APC: variants seen among roughly 807,000 people sequenced by gnomAD.
APC encodes adenomatous polyposis coli protein.
APC carries 72 observed loss-of-function variants against 247.0 expected under a neutral mutation model. The ratio of observed to expected loss-of-function variants is 0.29; its 90% CI spans 0.24 to 0.35. The LOEUF (loss-of-function observed/expected upper bound fraction) is 0.35. Among genes scored for constraint, APC ranks in the 10% least tolerant of loss-of-function variants. APC has a pLI of 1.00. For synonymous variants in APC, 1,254 were observed against 1,162.5 expected, an observed-to-expected ratio of 1.08 and a Z score of -1.60; for missense variants, 3,400 against 3,360.7, an observed-to-expected ratio of 1.01 and a Z score of -0.29.
intron 6 of APC, among the ~76,000 whole-genome samples, chr5:112,783,554 A>G (rs1170449505): frequency 6.6e-6 from 1 of 150,696 alleles, no homozygotes; most frequent in African/African-American, 2.4e-5. Context: ...GCACTTTGAG[A>G]GGCTGAGGCA....
chr5:112,725,384 G>T (rs1456837208), intron 1 of APC, among the ~76,000 whole-genome samples: 1 of 152,146 alleles, frequency 6.6e-6, no homozygotes, highest in Non-Finnish European at 1.5e-5. Flanking sequence ...CCCAGAGGAA[G>T]TCACTGTTGT....
rs1580455456 is a variant in APC, at chr5:112,801,367, C to T, written c.818C>T (p.Thr273Ile). ...GQGVGEINMA[T>I]SGNGQGSTTR... is the part of the protein sequence containing the mutation. ...GGAGTGGGAGAAATCAACATGGCAA[C>T]TTCTGGTAATGGTCAGGTAAATAAA... is the stretch of plus-strand genomic sequence containing the variant. The change falls in exon 8 of 16, where the codon ACT becomes ATT. Residue 273 changes from threonine (T) to isoleucine (I), a missense_variant. Physicochemically the swap from Thr to Ile is moderately conservative, Grantham distance 89 (BLOSUM62 -1). Coordinates refer to ENST00000257430, the MANE Select transcript of APC (RefSeq NM_000038.6). 2 of 1,609,882 alleles carry T rather than the reference C, an allele frequency of 1.2e-6. No individual in the cohort carries two copies. The highest frequency in any genetic ancestry group is 1.7e-6 in the Non-Finnish European group (2 of 1,176,920).
Position 112,819,212 on chromosome 5 carries a change from C to A in APC, c.1180C>A (p.Gln394Lys), listed in dbSNP as rs770507436. Residue 394 changes from glutamine (Q) to lysine (K), a missense_variant, in exon 10 of 16, where the codon CAG (glutamine) becomes AAG (lysine). Gln to Lys is a moderately conservative substitution (Grantham distance 53). Transcript: ENST00000257430. ...SAALHNIIHS[Q>K]PDDKRGRREI... is the part of the protein sequence containing the mutation. ...AGCACTCCACAACATCATTCACTCA[C>A]AGCCTGATGACAAGAGAGGCAGGCG... 1 of 1,614,002 alleles carries A rather than the reference C, an allele frequency of 6.2e-7. No individual in the cohort carries two copies. Among genetic ancestry groups the A allele is most frequent in the Non-Finnish European group, 8.5e-7 (1 of 1,179,970 alleles).
At position 112,843,315 on chromosome 5, in the gene APC, T is replaced by C. The variant is rs1282183992; in HGVS notation, c.7721T>C (p.Leu2574Pro). ...WRRTGSSSSI[L>P]SASSESSEKA... Reference sequence around the variant, plus strand: ...AGAACTGGAAGTTCATCTTCAATTCTTTCTGCTTCATCAGAATCCAGTGAA... The same window carrying C: ...AGAACTGGAAGTTCATCTTCAATTCCTTCTGCTTCATCAGAATCCAGTGAA... Residue 2574 changes from leucine to proline, a missense_variant, in exon 16 of 16, where the codon CTT (leucine) becomes CCT (proline). Leu to Pro is a moderately conservative substitution (Grantham distance 98, BLOSUM62 -3). Transcript: ENST00000257430. The surrounding 1 kb of genome is among the most constrained non-coding windows in gnomAD (Gnocchi z 4.8). 4 of 1,613,784 alleles carry C rather than the reference T, an allele frequency of 2.5e-6. No homozygotes were observed. The highest frequency in any genetic ancestry group is 1.3e-5 in the African/African-American group (1 of 75,036).
At position 112,840,460 on chromosome 5, in the gene APC, C is replaced by T. The variant is rs1765789672; in HGVS notation, c.4866C>T (p.Asn1622=). 1.9e-6 allele frequency: 3 copies of T among 1,614,196 alleles called. No homozygotes were observed. Among genetic ancestry groups the T allele is most frequent in the Non-Finnish European group, 2.5e-6 (3 of 1,180,024 alleles). The change falls in exon 16 of 16, where the codon AAC becomes AAT. Residue 1622 remains asparagine (N), a synonymous_variant. Coordinates refer to ENST00000257430, the MANE Select transcript of APC (RefSeq NM_000038.6). The surrounding 1 kb of genome is among the most constrained non-coding windows in gnomAD (Gnocchi z 4.1). ...TGTACAAACTTCTACCATCACAAAA[C>T]AGGTTGCAACCCCAAAAGCATGTTA... ...LPVYKLLPSQ[N]RLQPQKHVSF...
chr5:112,755,722 T>C (rs555083869), intron 2 of APC, among the ~76,000 whole-genome samples: 1 of 152,320 alleles, frequency 6.6e-6, no homozygotes, highest in African/African-American at 2.4e-5. Flanking sequence ...TTCAAAATAA[T>C]TGAGGTTAAA....
At chr5:112,754,212 C>T (rs577369721) in intron 1 of APC, among the ~76,000 whole-genome samples, 17 of 152,112 alleles carry the variant, frequency 1.1e-4, no homozygotes, top group Non-Finnish European at 2.5e-4. Flanking sequence ...TTATAGTCAA[C>T]CTTTTGAATA....
intron 1 of APC, among the ~76,000 whole-genome samples, chr5:112,749,649 G>A (rs903589113): frequency 2.6e-5 from 4 of 151,718 alleles, no homozygotes; most frequent in Admixed American, 6.6e-5. Context: ...CACCATGCCC[G>A]GCTAATTTTT....
At chr5:112,790,435 C>A (rs1376281190) in intron 6 of APC, among the ~76,000 whole-genome samples, 1 of 152,008 alleles carries the variant, frequency 6.6e-6, no homozygotes, top group Non-Finnish European at 1.5e-5. Context: ...GAGCGATTCT[C>A]CTGCCTTAGC....
In APC at chr5:112,841,495, C is replaced by T. The variant is rs1561603572; in HGVS notation, c.5901C>T (p.Ser1967=). ...CTCCGGTTTGCTTTTCTCATAATTC[C>T]TCTCTGAGTTCTCTCAGTGACATTG... ...ENTPVCFSHN[S]SLSSLSDIDQ... is the part of the protein sequence containing the mutation. The change falls in exon 16 of 16, where the codon TCC becomes TCT. Residue 1967 remains serine, a synonymous_variant. Transcript: ENST00000257430. This position sits in a 1 kb window ranked among gnomAD's most constrained non-coding sequence, Gnocchi z 4.6. 2 of 1,613,206 alleles carry T rather than the reference C, an allele frequency of 1.2e-6. No individual in the cohort carries two copies. Among genetic ancestry groups the T allele is most frequent in the African/African-American group, 2.7e-5 (2 of 74,898 alleles).
At chr5:112,774,558 T>G (rs1415767589) in intron 4 of APC, among the ~76,000 whole-genome samples, 1 of 147,186 alleles carries the variant, frequency 6.8e-6, no homozygotes, top group East Asian at 2.1e-4. Flanking sequence ...CCTCCTGGGC[T>G]CAAGTGATTC....
Position 112,708,166 on chromosome 5 carries a change from TTAGG to T in APC, c.165+286_165+289del, listed in dbSNP as rs1255418957. On this transcript the variant is annotated intron_variant, in intron 1 of 13. Transcript: ENST00000507379. Reference sequence around the variant, plus strand: ...CCCTGCAAGTGGTGCCCCATTCGCGTTAGGTGGGTGGGTCGTCCGCCCTTCCCAT... The same window carrying T: ...CCCTGCAAGTGGTGCCCCATTCGCGTTGGGTGGGTCGTCCGCCCTTCCCAT... 3.9e-5 allele frequency among the ~76,000 whole-genome samples: 6 copies of T among 152,298 alleles called. No individual in the cohort carries two copies. In the East Asian group the frequency reaches 1.2e-3, roughly 29 times the overall value.
Position 112,707,589 on chromosome 5 carries a change from G to A in APC, c.-129G>A, listed in dbSNP as rs1750583768. On this transcript the variant is annotated 5_prime_UTR_variant, in exon 1 of 14. Coordinates refer to the APC transcript ENST00000507379. ...GCCGGAAGCCTAGCCGCTGCTCGGG[G>A]GGGACCTGCGGGCTCAGGCCCGGGA... 2.0e-6 allele frequency: 2 copies of A among 981,528 alleles called. No homozygotes were observed. The highest frequency in any genetic ancestry group is 3.9e-5 in the East Asian group (1 of 25,558). 60.8% of individuals were successfully genotyped at this position (981,528 alleles called of 1,614,324 possible).
intron 15 of APC, among the ~76,000 whole-genome samples, chr5:112,837,103 C>T (rs77954601): frequency 0.013 from 2,032 of 152,316 alleles, 47 homozygotes; most frequent in African/African-American, 0.046. Context: ...ATAATGTGCA[C>T]TGACTGCAGA....
intron 4 of APC, among the ~76,000 whole-genome samples, chr5:112,774,601 C>T (rs887471326): frequency 2.3e-4 from 35 of 151,438 alleles, no homozygotes; most frequent in African/African-American, 8.0e-4. Context: ...GCTGGGACTA[C>T]AGGTATGCAC....
At chr5:112,823,068 C>A (rs868230688) in intron 11 of APC, among the ~76,000 whole-genome samples, 6 of 152,138 alleles carry the variant, frequency 3.9e-5, no homozygotes, top group Non-Finnish European at 5.9e-5. Flanking sequence ...ATGAATTCTC[C>A]CCTCGTTAAT....
chr5:112,715,360 A>G (rs984769433), intron 1 of APC, among the ~76,000 whole-genome samples: 12 of 152,306 alleles, frequency 7.9e-5, no homozygotes, highest in African/African-American at 2.6e-4. Context: ...AACATCAGGT[A>G]GTATATAGAT....
At chr5:112,734,101 G>T (rs1752239008), upstream of APC, among the ~76,000 whole-genome samples, 1 of 152,176 alleles carries the variant, frequency 6.6e-6, no homozygotes, top group Non-Finnish European at 1.5e-5. Context: ...GCCAAGGCAG[G>T]AGGATCACCT....
At chr5:112,834,048 C>T (rs1206108166) in intron 14 of APC, among the ~76,000 whole-genome samples, 4 of 151,784 alleles carry the variant, frequency 2.6e-5, no homozygotes, top group East Asian at 1.9e-4. Flanking sequence ...ACCTCCCAGG[C>T]GCAAGTGATC....
Sources: allele counts gnomAD v4.1 joint callset (sites outside exome capture counted in the v4.1 genomes callset), GRCh38; gene constraint gnomAD v4.1.1; non-coding constraint Gnocchi (gnomAD v3.1); transcripts MANE v1.5; gene names NCBI Gene and HGNC (gene_info 2026-07-23, HGNC 2026-07-21).